Variants in RPTOR observed in about 807,000 individuals in gnomAD.
The protein encoded by RPTOR is regulatory associated protein of MTOR complex 1, also known as regulatory-associated protein of mTOR.
In RPTOR, 21 loss-of-function variants were observed where a neutral mutation model predicts 169.9. The ratio of observed to expected loss-of-function variants is 0.12; its 90% CI spans 0.09 to 0.18. The LOEUF (loss-of-function observed/expected upper bound fraction) is 0.18, where lower values mean the gene tolerates loss of function less well. Ranked by LOEUF, RPTOR falls within the 10% of genes least tolerant of loss-of-function variation. The probability of loss-of-function intolerance (pLI) is 1.00; values close to 1 mark genes in which losing one functional copy is unlikely to be tolerated. For missense variants in RPTOR, 1,133 were observed against 1,855.9 expected, an observed-to-expected ratio of 0.61 and a Z score of 7.16; for synonymous variants, 732 against 753.2, an observed-to-expected ratio of 0.97 and a Z score of 0.46.
At chr17:80,950,038 C>T (rs997030977) in intron 28 of RPTOR, among the ~76,000 whole-genome samples, 44 of 152,206 alleles carry the variant, frequency 2.9e-4, no homozygotes, top group African/African-American at 9.6e-4. Context: ...TACAGTTCTG[C>T]GTGTTGCCTG....
chr17:80,919,085 C>T (rs974632204), intron 21 of RPTOR, among the ~76,000 whole-genome samples: 1 of 152,194 alleles, frequency 6.6e-6, no homozygotes, highest in Non-Finnish European at 1.5e-5. Context: ...CTGAGGGCAC[C>T]GTGGCCCCAA....
At chr17:80,900,735 G>A (rs1019912225) in intron 20 of RPTOR, among the ~76,000 whole-genome samples, 29 of 152,212 alleles carry the variant, frequency 1.9e-4, no homozygotes, top group African/African-American at 5.3e-4. Flanking sequence ...TGGGGTTCTC[G>A]GTTCACTCTC....
chr17:80,595,538 C>T (rs1393440799), intron 1 of RPTOR, among the ~76,000 whole-genome samples: 1 of 152,218 alleles, frequency 6.6e-6, no homozygotes, highest in Non-Finnish European at 1.5e-5. Flanking sequence ...TCACTGCAGC[C>T]TCAACCTCCT....
In RPTOR at chr17:80,879,391, C is replaced by A. The variant is rs2068159671; in HGVS notation, c.1510-1024C>A. On this transcript the variant is annotated intron_variant, in intron 13 of 33. Transcript: ENST00000306801. ...GCTCCTGCTTGCCCTTCCCCTGCCC[C>A]TGCCCCCGCCTGCCCTGCCCCCACC... Among the ~76,000 whole-genome samples, 3 of 147,734 alleles carry A rather than the reference C, an allele frequency of 2.0e-5. No individual in the cohort carries two copies. In the Admixed American group the frequency reaches 2.0e-4, roughly 10 times the overall value.
chr17:80,575,481 G>T (rs879395749), intron 1 of RPTOR, among the ~76,000 whole-genome samples: 1 of 152,222 alleles, frequency 6.6e-6, no homozygotes, highest in South Asian at 2.1e-4. Flanking sequence ...TGCACCGCAC[G>T]TCTGTAGGGG....
chr17:80,677,751 C>A (rs1432443778), intron 3 of RPTOR, among the ~76,000 whole-genome samples: 1 of 150,028 alleles, frequency 6.7e-6, no homozygotes, highest in Non-Finnish European at 1.5e-5. Flanking sequence ...ATCCTTTCTA[C>A]CTTACAAAAG....
At chr17:80,559,825 C>T (rs939517596) in intron 1 of RPTOR, among the ~76,000 whole-genome samples, 1 of 152,194 alleles carries the variant, frequency 6.6e-6, no homozygotes, top group Non-Finnish European at 1.5e-5. Context: ...GAATGGCTAA[C>T]GCTGGCCACT....
At chr17:80,786,947 GTTAA>G (rs1279538711) in intron 6 of RPTOR, among the ~76,000 whole-genome samples, 1 of 152,194 alleles carries the variant, frequency 6.6e-6, no homozygotes, top group Non-Finnish European at 1.5e-5. Flanking sequence ...CTTTTAAGCA[GTTAA>G]TTAACAGGTA....
intron 24 of RPTOR, among the ~76,000 whole-genome samples, chr17:80,939,092 C>T (rs2068990724): frequency 6.6e-6 from 1 of 152,160 alleles, no homozygotes; most frequent in Non-Finnish European, 1.5e-5. Context: ...TGCTTTTAGC[C>T]AAAAGGAATT....
Position 80,584,901 on chromosome 17 carries a change from T to A in RPTOR, c.162+39110T>A, listed in dbSNP as rs541665420. On this transcript the variant is annotated intron_variant, in intron 1 of 33. Transcript: ENST00000306801. ...GTGTTGGGTATTCACTGGCAAGATG[T>A]TACCAGAACTCAAACATTTAAGATA... is the stretch of plus-strand genomic sequence containing the variant. Among the ~76,000 whole-genome samples the A allele has an allele frequency of 1.2e-3, 177 of 152,332 alleles. 1 individual carries two copies. Among genetic ancestry groups the A allele is most frequent in the African/African-American group, 4.2e-3 (173 of 41,574 alleles).
chr17:80,777,355 G>A (rs1053992007), intron 6 of RPTOR, among the ~76,000 whole-genome samples: 27 of 152,200 alleles, frequency 1.8e-4, no homozygotes, highest in African/African-American at 5.1e-4. Flanking sequence ...CGAAATTTAC[G>A]GATAATTTTA....
At position 80,745,541 on chromosome 17, in the gene RPTOR, C is replaced by G. The variant is rs540463423; in HGVS notation, c.655-8469C>G. On this transcript the variant is annotated intron_variant, in intron 5 of 33. Coordinates refer to ENST00000306801, the MANE Select transcript of RPTOR (RefSeq NM_020761.3). ...AAATATGATTTCTGCTTTGCATCTG[C>G]TCTTTTTGGTACACTGTGTGTCACA... Among the ~76,000 whole-genome samples the G allele has an allele frequency of 4.6e-5, 7 of 152,294 alleles. No individual in the cohort carries two copies. The South Asian group carries it at 6.2e-4, about 14-fold the overall frequency.
intron 2 of RPTOR, among the ~76,000 whole-genome samples, chr17:80,627,456 T>G (rs1418187544): frequency 6.6e-6 from 1 of 152,258 alleles, no homozygotes; most frequent in African/African-American, 2.4e-5. Context: ...GAAGTTCCCT[T>G]GGGTCCCTTT....
At chr17:80,676,998 A>G (rs538984484) in intron 3 of RPTOR, among the ~76,000 whole-genome samples, 26 of 152,296 alleles carry the variant, frequency 1.7e-4, no homozygotes, top group Middle Eastern at 3.4e-3. Flanking sequence ...AAGGTGAGGG[A>G]CTTCGGTTCC....
chr17:80,759,558 T>G lies in RPTOR; in HGVS notation c.830+5373T>G, dbSNP rs140486031. 1.3e-4 allele frequency among the ~76,000 whole-genome samples: 20 copies of G among 152,208 alleles called. No individual in the cohort carries two copies. The East Asian group carries it at 3.7e-3, about 28-fold the overall frequency. Reference sequence around the variant, plus strand: ...TTCTCCCATATTGAAGTGCTGAAATTAGGTTGAACATGACATTTTGCTAGG... The same window carrying G: ...TTCTCCCATATTGAAGTGCTGAAATGAGGTTGAACATGACATTTTGCTAGG... On this transcript the variant is annotated intron_variant, in intron 6 of 33. Transcript: ENST00000306801.
intron 21 of RPTOR, among the ~76,000 whole-genome samples, chr17:80,919,717 G>C (rs2068721964): frequency 6.6e-6 from 1 of 152,224 alleles, no homozygotes; most frequent in African/African-American, 2.4e-5. Context: ...TGGCCCAAGA[G>C]AGTGTCTGTG....
At chr17:80,742,491 A>G (rs2066491149) in intron 5 of RPTOR, among the ~76,000 whole-genome samples, 1 of 152,154 alleles carries the variant, frequency 6.6e-6, no homozygotes, top group East Asian at 1.9e-4. Flanking sequence ...ACATACAGAC[A>G]TGTACACATA....
chr17:80,961,324 G>A (rs977420180), intron 30 of RPTOR, 70 bp from the exon 31 acceptor site: 51 of 1,437,558 alleles, frequency 3.5e-5, no homozygotes, highest in African/African-American at 1.5e-4. Flanking sequence ...GGCAGCTCCC[G>A]GTGAGAGCCC....
chr17:80,616,821 T>C (rs1029236609), intron 1 of RPTOR, among the ~76,000 whole-genome samples: 1 of 152,162 alleles, frequency 6.6e-6, no homozygotes, highest in Non-Finnish European at 1.5e-5. Flanking sequence ...AATTATTTGT[T>C]GGTTTTTAAG....
Sources: gnomAD v4.1 joint callset for allele counts (sites outside exome capture counted in the v4.1 genomes callset) on GRCh38, gnomAD v4.1.1 for gene constraint, MANE v1.5 for transcripts, NCBI Gene and HGNC (gene_info 2026-07-23, HGNC 2026-07-21) for gene names.